ANK3: variants seen among roughly 807,000 people sequenced by gnomAD.
The protein encoded by ANK3 is ankyrin 3.
A neutral mutation model predicts 370.9 loss-of-function variants in ANK3; 57 were observed. The observed-to-expected ratio is 0.15, with a 90% CI of 0.12 to 0.19. The LOEUF (loss-of-function observed/expected upper bound fraction) is 0.19, where lower values mean the gene tolerates loss of function less well. Among genes scored for constraint, ANK3 ranks in the 10% least tolerant of loss-of-function variants. The pLI is 1.00. For missense variants in ANK3, 4,439 were observed against 5,302.1 expected, an observed-to-expected ratio of 0.84 and a Z score of 5.06; for synonymous variants, 1,929 against 1,946.3, an observed-to-expected ratio of 0.99 and a Z score of 0.23.
At chr10:60,515,087 A>G (rs2076185136) in intron 2 of ANK3, among the ~76,000 whole-genome samples, 1 of 152,194 alleles carries the variant, frequency 6.6e-6, no homozygotes, top group Admixed American at 6.5e-5. Context: ...ATGTAGGAAT[A>G]CTAGAGCTAT....
At chr10:60,487,643 A>G (rs1057204913) in intron 2 of ANK3, among the ~76,000 whole-genome samples, 1 of 152,164 alleles carries the variant, frequency 6.6e-6, no homozygotes, top group African/African-American at 2.4e-5. Flanking sequence ...GTAAATCCCA[A>G]GAGTCTCTAG....
intron 1 of ANK3, among the ~76,000 whole-genome samples, chr10:60,367,459 G>A (rs1439881778): frequency 6.6e-6 from 1 of 152,166 alleles, no homozygotes; most frequent in African/African-American, 2.4e-5. Context: ...GAGAAAGAAA[G>A]AAATGAATTC....
At chr10:60,556,327 T>C (rs2077206426) in intron 2 of ANK3, among the ~76,000 whole-genome samples, 1 of 152,204 alleles carries the variant, frequency 6.6e-6, no homozygotes, top group Non-Finnish European at 1.5e-5. Context: ...ACTACTGTTC[T>C]ATCTTATGCC....
chr10:60,092,031 G>A (rs1244830218), intron 28 of ANK3, among the ~76,000 whole-genome samples: 1 of 152,054 alleles, frequency 6.6e-6, no homozygotes, highest in African/African-American at 2.4e-5. Context: ...GCCAGGCTAC[G>A]TTTGTATATT....
In ANK3 at chr10:60,028,858, A is replaced by AT. The variant is rs187326819; in HGVS notation, c.*987dup. On this transcript the variant is annotated 3_prime_UTR_variant, in exon 44 of 44. Coordinates refer to ENST00000280772, the MANE Select transcript of ANK3 (RefSeq NM_020987.5). ...CCCTAAAGCAACTACCGTATAGGTT[A>AT]TTTTTTTTTGTTGTTTTTAGGTCAT... The AT allele has an allele frequency of 4.3e-3, 650 of 150,868 alleles. 3 individuals carry two copies. The highest frequency in any genetic ancestry group is 7.8e-3 in the South Asian group (37 of 4,744). 9.3% of individuals were successfully genotyped at this position (150,868 alleles called of 1,614,324 possible).
intron 23 of ANK3, chr10:60,140,124 TA>T (rs1405374878): frequency 1.2e-5 from 7 of 570,284 alleles, no homozygotes; most frequent in African/African-American, 1.1e-4. Context: ...TCCATTCATT[TA>T]AACTCAGGAA....
chr10:60,377,725 C>A (rs1566930919), intron 1 of ANK3, among the ~76,000 whole-genome samples: 3 of 152,084 alleles, frequency 2.0e-5, no homozygotes, highest in African/African-American at 7.2e-5. Context: ...GAATAAAGGC[C>A]AGGGGCAGGG....
At position 60,143,105 on chromosome 10, in the gene ANK3, C is replaced by G. The variant is rs549803480; in HGVS notation, c.2615-4018G>C. Among the ~76,000 whole-genome samples, 21 of 152,266 alleles carry G rather than the reference C, an allele frequency of 1.4e-4. 1 individual carries two copies. The highest frequency in any genetic ancestry group is 5.1e-4 in the African/African-American group (21 of 41,574). ...GCCCAAATATCTGAATGCATGAACT[C>G]AAATAGCATTTAAATTGCTACTATT... On this transcript the variant is annotated intron_variant, in intron 23 of 43. Transcript: ENST00000280772.
Position 60,074,430 on chromosome 10 carries a change from G to A in ANK3, c.6451C>T (p.Pro2151Ser). The change falls in exon 37 of 44, where the codon CCA becomes TCA. Residue 2151 changes from proline (P) to serine (S), a missense_variant. Pro to Ser is a moderately conservative substitution (Grantham distance 74, BLOSUM62 -1). This residue lies in a region of ANK3 where 1,601 missense variants were observed against 1,731.7 expected (regional missense o/e 0.92). Coordinates refer to ENST00000280772, the MANE Select transcript of ANK3 (RefSeq NM_020987.5). ...GGGATGGGAACTTCATGAAAAAGTG[G>A]TTTAGGACCAGTGCTTTCAGCGCTT... is the stretch of plus-strand genomic sequence containing the variant. ...PQSAESTGPK[P>S]LFHEVPIPPV... 2 of 1,614,096 alleles carry A rather than the reference G, an allele frequency of 1.2e-6. No homozygotes were observed. Among genetic ancestry groups the A allele is most frequent in the Non-Finnish European group, 8.5e-7 (1 of 1,179,990 alleles).
At chr10:60,278,261 C>G (rs568285302) in intron 4 of ANK3, among the ~76,000 whole-genome samples, 1 of 152,076 alleles carries the variant, frequency 6.6e-6, no homozygotes, top group Non-Finnish European at 1.5e-5. Context: ...TTACAGATAC[C>G]CTTTAAACAT....
intron 1 of ANK3, among the ~76,000 whole-genome samples, chr10:60,679,045 G>A (rs1373664908): frequency 6.6e-6 from 1 of 152,224 alleles, no homozygotes; most frequent in Non-Finnish European, 1.5e-5. Context: ...GGTGGAGACA[G>A]CACTGTGTCC....
intron 17 of ANK3, among the ~76,000 whole-genome samples, chr10:60,183,005 C>T (rs1172855040): frequency 4.6e-5 from 7 of 152,192 alleles, no homozygotes; most frequent in Admixed American, 4.6e-4. Flanking sequence ...ACTTTTGACA[C>T]TGAGGGTACC....
chr10:60,140,968 C>T (rs2132215623), intron 23 of ANK3: 2 of 985,414 alleles, frequency 2.0e-6, no homozygotes, highest in Non-Finnish European at 1.2e-6. Flanking sequence ...GTGGCCCAGG[C>T]GGGGAGTGGC....
chr10:60,404,729 T>G (rs2063418659), intron 2 of ANK3, among the ~76,000 whole-genome samples: 1 of 152,104 alleles, frequency 6.6e-6, no homozygotes, highest in African/African-American at 2.4e-5. Flanking sequence ...TTAGACTTCA[T>G]TAAAATTTAA....
rs12248275 is a variant in ANK3, at chr10:60,165,770, A to G, written c.2614+821T>C. Among the ~76,000 whole-genome samples the G allele has an allele frequency of 7.4e-3, 1,125 of 152,314 alleles. 16 individuals are homozygous for G. The highest frequency in any genetic ancestry group is 0.026 in the African/African-American group (1,073 of 41,562). On this transcript the variant is annotated intron_variant, in intron 23 of 43. Coordinates refer to ENST00000280772, the MANE Select transcript of ANK3 (RefSeq NM_020987.5). ...TGACAGGTGGCAAATGGAGGTCATA[A>G]TAGGGTAGACTGTATTTGATGATCT...
intron 2 of ANK3, among the ~76,000 whole-genome samples, chr10:60,415,515 T>C (rs939286219): frequency 2.1e-4 from 32 of 152,054 alleles, no homozygotes; most frequent in African/African-American, 7.2e-4. Flanking sequence ...GGAGGATAAA[T>C]GTGCAGCAGG....
At chr10:60,030,978 G>C (rs1204372032) in intron 43 of ANK3, among the ~76,000 whole-genome samples, 1 of 152,174 alleles carries the variant, frequency 6.6e-6, no homozygotes, top group Non-Finnish European at 1.5e-5. Context: ...AGGTGGCTGA[G>C]AGAGGTAATC....
intron 2 of ANK3, among the ~76,000 whole-genome samples, chr10:60,560,359 G>GGACT (rs1272810327): frequency 6.6e-6 from 1 of 152,056 alleles, no homozygotes; most frequent in Non-Finnish European, 1.5e-5. Context: ...TCTCAATTAA[G>GGACT]GACTAATGTG....
intron 1 of ANK3, among the ~76,000 whole-genome samples, chr10:60,688,033 A>G (rs894959867): frequency 1.3e-5 from 2 of 152,206 alleles, no homozygotes; most frequent in African/African-American, 4.8e-5. Flanking sequence ...TCAAAGAGTG[A>G]AATGGTGGTT....
Sources: allele counts gnomAD v4.1 joint callset (sites outside exome capture counted in the v4.1 genomes callset), GRCh38; gene constraint gnomAD v4.1.1; regional missense constraint gnomAD v4.1.1; transcripts MANE v1.5; gene names NCBI Gene and HGNC (gene_info 2026-07-23, HGNC 2026-07-21).